Variants in DNM3 observed in about 807,000 individuals in gnomAD.
DNM3 encodes dynamin-3.
In DNM3, 47 loss-of-function variants were observed where a neutral mutation model predicts 101.6. That is an observed-to-expected ratio of 0.46 (90% CI 0.37 to 0.59). The LOEUF is 0.59. Ranked by LOEUF, DNM3 falls within the 20% of genes least tolerant of loss-of-function variation. The pLI, the probability that DNM3 is intolerant of heterozygous loss-of-function variation, is 0.00. For synonymous variants in DNM3, 385 were observed against 387.9 expected (o/e 0.99, Z 0.09); for missense variants, 849 against 1,085.7 (o/e 0.78, Z 3.06).
At chr1:171,847,457 A>G (rs1316703016) in intron 1 of DNM3, among the ~76,000 whole-genome samples, 1 of 152,164 alleles carries the variant, frequency 6.6e-6, no homozygotes, top group African/African-American at 2.4e-5. Context: ...TGAGTTGACA[A>G]CAAGGCATTG....
At position 172,133,267 on chromosome 1, in the gene DNM3, G is replaced by C. The variant is rs924454583; in HGVS notation, c.1659+1979G>C. 1.8e-5 allele frequency: 19 copies of C among 1,066,066 alleles called. No homozygotes were observed. In the Middle Eastern group the frequency reaches 1.3e-3, roughly 71 times the overall value. The allele number at this position is 1,066,066 out of a possible 1,614,324, so 66.0% of individuals were successfully genotyped here. On this transcript the variant is annotated intron_variant, in intron 14 of 20. Transcript: ENST00000627582. ...GCTTTGAAGGCTTGGTGAGCTCTTGGTTATTGGCTCATCTCCTCTCCTCCA... is the reference window on the plus strand; with the variant it reads ...GCTTTGAAGGCTTGGTGAGCTCTTGCTTATTGGCTCATCTCCTCTCCTCCA...
At chr1:172,070,573 G>A (rs1431144632) in intron 11 of DNM3, among the ~76,000 whole-genome samples, 1 of 152,120 alleles carries the variant, frequency 6.6e-6, no homozygotes, top group African/African-American at 2.4e-5. Context: ...ATATTTCAGA[G>A]TTTTTGTTTT....
intron 14 of DNM3, among the ~76,000 whole-genome samples, chr1:172,237,273 C>G (rs1186658460): frequency 2.6e-5 from 4 of 151,478 alleles, no homozygotes; most frequent in African/African-American, 9.7e-5. Flanking sequence ...CTTTTTTGAA[C>G]TTAAGGATTG....
chr1:172,058,942 T>G (rs574658932), intron 10 of DNM3, among the ~76,000 whole-genome samples: 1 of 152,074 alleles, frequency 6.6e-6, no homozygotes, highest in East Asian at 1.9e-4. Flanking sequence ...ATTGATAGAC[T>G]GCTAGCAAGA....
chr1:172,133,605 T>C (rs1454824863), intron 14 of DNM3, among the ~76,000 whole-genome samples: 4 of 152,078 alleles, frequency 2.6e-5, no homozygotes, highest in Non-Finnish European at 5.9e-5. Context: ...AACAAGCAAA[T>C]AGACTAGTAA....
chr1:172,271,371 A>G (rs1348084229), intron 15 of DNM3, among the ~76,000 whole-genome samples: 2 of 152,092 alleles, frequency 1.3e-5, no homozygotes, highest in Non-Finnish European at 2.9e-5. Flanking sequence ...ACCCTAATAA[A>G]CCCATTTTAT....
chr1:172,324,304 C>T (rs528377349), intron 17 of DNM3, among the ~76,000 whole-genome samples: 1 of 152,240 alleles, frequency 6.6e-6, no homozygotes, highest in East Asian at 1.9e-4. Flanking sequence ...TTCAAACCAG[C>T]TGGAATTCGT....
chr1:172,134,854 T>C (rs940399746), intron 14 of DNM3, among the ~76,000 whole-genome samples: 3 of 151,974 alleles, frequency 2.0e-5, no homozygotes, highest in Non-Finnish European at 4.4e-5. Context: ...GCCTGATGAA[T>C]TTAAGGAGGG....
chr1:172,078,102 T>C (rs1558533383), intron 11 of DNM3, among the ~76,000 whole-genome samples: 1 of 152,002 alleles, frequency 6.6e-6, no homozygotes, highest in Non-Finnish European at 1.5e-5. Flanking sequence ...GTTGTTGTTA[T>C]TGTTTTTTTA....
chr1:171,986,778 T>G (rs7525638), intron 2 of DNM3, among the ~76,000 whole-genome samples: 48,429 of 151,894 alleles, frequency 0.32, 11,754 homozygotes, highest in African/African-American at 0.69. Context: ...TAAGTTTAGT[T>G]GTACAATTCT....
intron 15 of DNM3, among the ~76,000 whole-genome samples, chr1:172,290,957 G>A (rs2063888651): frequency 6.8e-6 from 1 of 147,786 alleles, no homozygotes; most frequent in Non-Finnish European, 1.5e-5. Flanking sequence ...GAAGCCTGGA[G>A]GAGAAGGTGT....
At chr1:172,385,771 C>T (rs148234132) in intron 18 of DNM3, among the ~76,000 whole-genome samples, 129 of 152,198 alleles carry the variant, frequency 8.5e-4, no homozygotes, top group Non-Finnish European at 1.5e-3. Context: ...TATATACTTG[C>T]GTTTGGCCTT....
At chr1:172,241,680 T>G (rs1303012880) in intron 14 of DNM3, among the ~76,000 whole-genome samples, 2 of 152,092 alleles carry the variant, frequency 1.3e-5, no homozygotes, top group African/African-American at 4.8e-5. Context: ...TCCACCAATC[T>G]GGAGGCTGCA....
intron 4 of DNM3, among the ~76,000 whole-genome samples, chr1:172,032,062 C>G (rs1307156205): frequency 6.6e-6 from 1 of 152,056 alleles, no homozygotes; most frequent in Non-Finnish European, 1.5e-5. Context: ...TTCAAATATT[C>G]ATATTAGGTG....
chr1:172,167,166 A>G (rs988850644), intron 14 of DNM3, among the ~76,000 whole-genome samples: 2 of 151,894 alleles, frequency 1.3e-5, no homozygotes, highest in African/African-American at 2.4e-5. Context: ...GAGAACATGC[A>G]GTGTTTGGTT....
At chr1:172,225,068 A>C (rs1054189103) in intron 14 of DNM3, among the ~76,000 whole-genome samples, 1 of 150,652 alleles carries the variant, frequency 6.6e-6, no homozygotes. Context: ...CATGCAATGC[A>C]GTATTCTCCT....
At chr1:171,963,768 G>GTA (rs138942214) in intron 2 of DNM3, among the ~76,000 whole-genome samples, 35,203 of 147,934 alleles carry the variant, frequency 0.24, 4,962 homozygotes, top group South Asian at 0.41. Flanking sequence ...TATAGATAAC[G>GTA]TATATATATA....
chr1:171,905,974 A>G (rs1216978469), intron 1 of DNM3, among the ~76,000 whole-genome samples: 1 of 152,128 alleles, frequency 6.6e-6, no homozygotes, highest in Admixed American at 6.5e-5. Context: ...GGATGGATGT[A>G]CCAGACTCAT....
intron 9 of DNM3, among the ~76,000 whole-genome samples, chr1:172,045,459 C>T (rs2049718580): frequency 6.6e-6 from 1 of 152,050 alleles, no homozygotes; most frequent in African/African-American, 2.4e-5. Flanking sequence ...CTGGCCTCTT[C>T]TTATAAGGGC....
Sources: gnomAD v4.1 joint callset for allele counts (sites outside exome capture counted in the v4.1 genomes callset) on GRCh38, gnomAD v4.1.1 for gene constraint, MANE v1.5 for transcripts, NCBI Gene and HGNC (gene_info 2026-07-23, HGNC 2026-07-21) for gene names.